Variants in CLEC2D observed in about 807,000 individuals in gnomAD.
CLEC2D encodes the protein C-type lectin domain family 2 member D, also known as C-type lectin related f.
A neutral mutation model predicts 20.0 loss-of-function variants in CLEC2D; 16 were observed. That is an observed-to-expected ratio of 0.80 (90% confidence interval 0.54 to 1.22). CLEC2D has a LOEUF of 1.22. Among genes scored for constraint, CLEC2D ranks in the 50% most tolerant of loss-of-function variants. CLEC2D has a pLI of 0.00. For synonymous variants in CLEC2D, 77 were observed against 71.1 expected (o/e 1.08, Z -0.42); for missense variants, 207 against 221.5 (o/e 0.93, Z 0.42).
rs1396830401 is a variant in CLEC2D at position 9,699,244 on chromosome 12, T to C, written c.*4370T>C. On this transcript the variant is annotated 3_prime_UTR_variant, in exon 5 of 5. Transcript: ENST00000290855. ...GATCACTCTGATTCTCTGCATGCAT[T>C]TTTATAGATTTGTTTGCCATTTATC... 1 of 152,208 alleles carries C rather than the reference T, an allele frequency of 6.6e-6. No individual in the cohort carries two copies. The highest frequency in any genetic ancestry group is 1.9e-4 in the East Asian group (1 of 5,200). 9.4% of individuals were successfully genotyped at this position (152,208 alleles called of 1,614,324 possible).
At chr12:9,691,118 G>A (rs1179967681) in intron 3 of CLEC2D, among the ~76,000 whole-genome samples, 1 of 152,104 alleles carries the variant, frequency 6.6e-6, no homozygotes, top group East Asian at 1.9e-4. Flanking sequence ...ATAGTGCCGA[G>A]TGGCTATATT....
chr12:9,674,741 CATATG>C (rs935413930), intron 1 of CLEC2D, among the ~76,000 whole-genome samples: 2 of 152,166 alleles, frequency 1.3e-5, no homozygotes, highest in Non-Finnish European at 2.9e-5. Context: ...TCTCAAAAGA[CATATG>C]ATATTAATAA....
At chr12:9,680,837 TA>T in intron 1 of CLEC2D, 85 bp from the exon 2 acceptor site, 1 of 685,918 alleles carries the variant, frequency 1.5e-6, no homozygotes, top group Non-Finnish European at 2.5e-6. Context: ...AGGAATTAAA[TA>T]AAAATAACAT....
In CLEC2D at chr12:9,697,288, G is replaced by A. The variant is rs2121000895; in HGVS notation, c.*2414G>A. The A allele has an allele frequency of 6.6e-6, 1 of 152,298 alleles. No homozygotes were observed. The highest frequency in any genetic ancestry group is 6.5e-5 in the Admixed American group (1 of 15,280). 9.4% of individuals were successfully genotyped at this position (152,298 alleles called of 1,614,324 possible). On this transcript the variant is annotated 3_prime_UTR_variant, in exon 5 of 5. Coordinates refer to ENST00000290855, the MANE Select transcript of CLEC2D (RefSeq NM_013269.6). Reference sequence around the variant, plus strand: ...GAAAACCACTTAAAGGCGTTCTTAAGCTACAAACAATAGCATGAGCGATCT... The same window carrying A: ...GAAAACCACTTAAAGGCGTTCTTAAACTACAAACAATAGCATGAGCGATCT...
intron 3 of CLEC2D, among the ~76,000 whole-genome samples, chr12:9,692,392 G>A (rs934476172): frequency 5.9e-5 from 9 of 151,948 alleles, no homozygotes; most frequent in Middle Eastern, 3.4e-3. Flanking sequence ...CGCCTGCCTC[G>A]GCCTCCCAAA....
At chr12:9,690,267 T>A (rs1865835937) in intron 3 of CLEC2D, among the ~76,000 whole-genome samples, 1 of 152,108 alleles carries the variant, frequency 6.6e-6, no homozygotes, top group Admixed American at 6.5e-5. Flanking sequence ...ATAGCAAAGT[T>A]GTCCTTCAAG....
chr12:9,697,501 C>T lies in CLEC2D; in HGVS notation c.*2627C>T, dbSNP rs1866024938. On this transcript the variant is annotated 3_prime_UTR_variant, in exon 5 of 5. Coordinates refer to ENST00000290855, the MANE Select transcript of CLEC2D (RefSeq NM_013269.6). ...TGTTCTGGGCTCTCAGCTCTGAAGG[C>T]TGTGAGACCCCTGATTTCCCACTTC... 2 of 151,590 alleles carry T rather than the reference C, an allele frequency of 1.3e-5. No homozygotes were observed. Among genetic ancestry groups the T allele is most frequent in the South Asian group, 4.1e-4 (2 of 4,828 alleles). The allele number at this position is 151,590 out of a possible 1,614,324, so 9.4% of individuals were successfully genotyped here.
rs984485443 is a variant in CLEC2D at position 9,697,278 on chromosome 12, G to T, written c.*2404G>T. 6.6e-6 allele frequency: 1 copy of T among 152,138 alleles called. No homozygotes were observed. The highest frequency in any genetic ancestry group is 1.5e-5 in the Non-Finnish European group (1 of 68,032). The allele number at this position is 152,138 out of a possible 1,614,324, so 9.4% of individuals were successfully genotyped here. A position where few individuals can be genotyped will look rare whatever the true frequency, so the allele number is the denominator to read the frequency against. ...GCCCAGGGTGGAAAACCACTTAAAGGCGTTCTTAAGCTACAAACAATAGCA... is the reference window on the plus strand; with the variant it reads ...GCCCAGGGTGGAAAACCACTTAAAGTCGTTCTTAAGCTACAAACAATAGCA... On this transcript the variant is annotated 3_prime_UTR_variant, in exon 5 of 5. Transcript: ENST00000290855.
chr12:9,680,542 T>C (rs1037690243), intron 1 of CLEC2D, among the ~76,000 whole-genome samples: 12 of 152,258 alleles, frequency 7.9e-5, no homozygotes, highest in African/African-American at 2.9e-4. Context: ...TTTAAGTCTA[T>C]TTTAATCGAT....
Position 9,695,700 on chromosome 12 carries a change from A to C in CLEC2D, c.*826A>C. 1 of 1,567,724 alleles carries C rather than the reference A, an allele frequency of 6.4e-7. No individual in the cohort carries two copies. Among genetic ancestry groups the C allele is most frequent in the South Asian group, 1.1e-5 (1 of 90,276 alleles). On this transcript the variant is annotated 3_prime_UTR_variant, in exon 5 of 5. Transcript: ENST00000290855. The stretch of plus-strand genomic sequence containing the variant: ...TGGACTTAAGGTTGAAGTGTGGTTC[A>C]GGGCCAGTGCATATTAGTGGACAGC...
In CLEC2D at chr12:9,695,262, T is replaced by C. The variant is rs1227476667; in HGVS notation, c.*388T>C. The C allele has an allele frequency of 1.7e-5, 11 of 662,912 alleles. No homozygotes were observed. The highest frequency in any genetic ancestry group is 4.0e-4 in the Middle Eastern group (1 of 2,486). 41.1% of individuals were successfully genotyped at this position (662,912 alleles called of 1,614,324 possible). A position where few individuals can be genotyped will look rare whatever the true frequency, so the allele number is the denominator to read the frequency against. On this transcript the variant is annotated 3_prime_UTR_variant, in exon 5 of 5. Transcript: ENST00000290855. ...CTCCTATTTATACAACCATCAGATA[T>C]CTTGAGACAAGAACAGTATGGGGCT... is the stretch of plus-strand genomic sequence containing the variant.
At chr12:9,671,671 GAGTTTGCTTT>G (rs1224855948) in intron 1 of CLEC2D, among the ~76,000 whole-genome samples, 1 of 152,192 alleles carries the variant, frequency 6.6e-6, no homozygotes. Context: ...TTTGAGATAG[GAGTTTGCTTT>G]TCTGTTCCTC....
intron 4 of CLEC2D, chr12:9,693,231 ATTAAATTGC>A: frequency 1.4e-6 from 1 of 712,480 alleles, no homozygotes; most frequent in Non-Finnish European, 2.5e-6. Flanking sequence ...CCACAACAAA[ATTAAATTGC>A]ACTTGTCCTC....
At chr12:9,669,911 T>TG in intron 1 of CLEC2D, 116 bp downstream of exon 1, 1 of 713,582 alleles carries the variant, frequency 1.4e-6, no homozygotes, top group African/African-American at 1.8e-5. Context: ...GGATAAGAGA[T>TG]GGAATGTGGG....
In CLEC2D at chr12:9,693,265, T is replaced by A. The variant is rs1186466257; in HGVS notation, c.461+334T>A. The A allele has an allele frequency of 1.7e-5, 10 of 595,742 alleles. No homozygotes were observed. In the South Asian group the frequency reaches 2.3e-4, roughly 14 times the overall value. 36.9% of individuals were successfully genotyped at this position (595,742 alleles called of 1,614,324 possible). ...CACTTGTCCTCCTGATTTCACAGGG[T>A]TGATGTGAGGAACAGAGGTTTTGAT... On this transcript the variant is annotated intron_variant, in intron 4 of 4. Coordinates refer to ENST00000290855, the MANE Select transcript of CLEC2D (RefSeq NM_013269.6).
chr12:9,680,011 G>C (rs1214654836), intron 1 of CLEC2D, among the ~76,000 whole-genome samples: 1 of 152,180 alleles, frequency 6.6e-6, no homozygotes, highest in Admixed American at 6.5e-5. Flanking sequence ...TGGCCTAGCT[G>C]TGTCTTTACC....
At chr12:9,675,385 G>A (rs1238371943) in intron 1 of CLEC2D, among the ~76,000 whole-genome samples, 2 of 151,856 alleles carry the variant, frequency 1.3e-5, no homozygotes, top group Non-Finnish European at 2.9e-5. Flanking sequence ...TAGTAGAGAC[G>A]GGGTTTCACC....
At chr12:9,693,724 A>T (rs1384388746) in intron 4 of CLEC2D, 1 of 393,202 alleles carries the variant, frequency 2.5e-6, no homozygotes, top group Non-Finnish European at 5.0e-6. Context: ...TGCTTCATAA[A>T]TATCTAGAAT....
At position 9,693,073 on chromosome 12, in the gene CLEC2D, A is replaced by C. The variant is rs775493389; in HGVS notation, c.461+142A>C. The stretch of plus-strand genomic sequence containing the variant: ...AAGATGGTGCCAACTTGTATGTTGC[A>C]AAGGTTTCACAAGTTCCTCGAATGA... On this transcript the variant is annotated intron_variant, in intron 4 of 4. Coordinates refer to ENST00000290855, the MANE Select transcript of CLEC2D (RefSeq NM_013269.6). 3.1e-6 allele frequency: 5 copies of C among 1,613,930 alleles called. No individual in the cohort carries two copies. In the Admixed American group the frequency reaches 8.3e-5, roughly 27 times the overall value.
Sources: allele counts gnomAD v4.1 joint callset (sites outside exome capture counted in the v4.1 genomes callset), GRCh38; gene constraint gnomAD v4.1.1; transcripts MANE v1.5; gene names NCBI Gene and HGNC (gene_info 2026-07-23, HGNC 2026-07-21).